Variants in TAF13 observed in about 807,000 individuals in gnomAD.
The protein encoded by TAF13 is TATA-box binding protein associated factor 13.
A neutral mutation model predicts 18.7 loss-of-function variants in TAF13; 9 were observed. That is an observed-to-expected ratio of 0.48 (90% CI 0.29 to 0.84). The LOEUF is 0.84. Ranked by LOEUF, TAF13 falls within the 40% of genes least tolerant of loss-of-function variation. TAF13 has a pLI of 0.08. For missense variants in TAF13, 105 were observed against 146.5 expected, an observed-to-expected ratio of 0.72 and a Z score of 1.46; for synonymous variants, 49 against 44.1, an observed-to-expected ratio of 1.11 and a Z score of -0.44.
At chr1:109,065,867 G>C (rs1436086782) in intron 3 of TAF13, among the ~76,000 whole-genome samples, 1 of 150,260 alleles carries the variant, frequency 6.7e-6, no homozygotes, top group East Asian at 1.9e-4. Context: ...GTTGCAGTGA[G>C]CCAAGATCGT....
chr1:109,069,473 C>T (rs901395910), intron 2 of TAF13, among the ~76,000 whole-genome samples: 3 of 152,050 alleles, frequency 2.0e-5, no homozygotes, highest in Admixed American at 1.3e-4. Flanking sequence ...AAAGTCTATA[C>T]ATATTCAATA....
intron 2 of TAF13, among the ~76,000 whole-genome samples, chr1:109,067,556 G>A (rs1207240562): frequency 1.3e-5 from 2 of 152,178 alleles, no homozygotes; most frequent in East Asian, 1.9e-4. Flanking sequence ...GTTGCAGTGA[G>A]CTGAGAATGC....
At chr1:109,072,921 C>T (rs1158594184) in intron 2 of TAF13, among the ~76,000 whole-genome samples, 5 of 150,884 alleles carry the variant, frequency 3.3e-5, no homozygotes, top group Admixed American at 2.0e-4. Context: ...TTAGTAGAGA[C>T]GGGGTTTCAT....
chr1:109,075,953 T>C lies in TAF13; in HGVS notation c.-6A>G. ...TCTTCTTCCTCATCTGCCATCCCAC[T>C]AGCACGCCAACTCACAGCGTCCTGC... On this transcript the variant is annotated 5_prime_UTR_variant, in exon 1 of 4. Transcript: ENST00000338366. 1 of 1,614,180 alleles carries C rather than the reference T, an allele frequency of 6.2e-7. No homozygotes were observed. Among genetic ancestry groups the C allele is most frequent in the South Asian group, 1.1e-5 (1 of 91,082 alleles).
chr1:109,066,293 A>ATTTTTTT, intron 2 of TAF13, 61 bp from the exon 3 acceptor site: 1 of 1,361,858 alleles, frequency 7.3e-7, no homozygotes, highest in Non-Finnish European at 1.0e-6. Flanking sequence ...TTGATACTTT[A>ATTTTTTT]AAAAAATAAA....
chr1:109,072,190 A>T (rs1227955572), intron 2 of TAF13, among the ~76,000 whole-genome samples: 1 of 148,152 alleles, frequency 6.7e-6, no homozygotes. Context: ...GCTCACATAT[A>T]ACCCAGCCTA....
intron 3 of TAF13, among the ~76,000 whole-genome samples, chr1:109,065,540 G>C (rs1402404112): frequency 6.8e-6 from 1 of 146,510 alleles, no homozygotes; most frequent in African/African-American, 2.5e-5. Flanking sequence ...TACTGGAAAA[G>C]GAGGGGAAAA....
chr1:109,073,542 T>C (rs1192276500), intron 2 of TAF13, among the ~76,000 whole-genome samples: 2 of 152,152 alleles, frequency 1.3e-5, no homozygotes, highest in African/African-American at 2.4e-5. Context: ...GGTTTTTGTA[T>C]TTTTTGGTGG....
chr1:109,067,993 T>C (rs1013302082), intron 2 of TAF13, among the ~76,000 whole-genome samples: 5 of 152,174 alleles, frequency 3.3e-5, no homozygotes, highest in African/African-American at 1.2e-4. Context: ...TGTGAATTCT[T>C]TTTTTTGCTC....
At chr1:109,066,340 A>G in intron 2 of TAF13, 108 bp from the exon 3 acceptor site, 1 of 821,154 alleles carries the variant, frequency 1.2e-6, no homozygotes, top group Non-Finnish European at 1.9e-6. Context: ...TATTGGTATG[A>G]AAACATATTT....
At chr1:109,068,207 C>T (rs1663985120) in intron 2 of TAF13, among the ~76,000 whole-genome samples, 1 of 152,200 alleles carries the variant, frequency 6.6e-6, no homozygotes, top group South Asian at 2.1e-4. Context: ...ACGATCTCAA[C>T]TCACTGCAAC....
chr1:109,071,857 C>G (rs1404923719), intron 2 of TAF13, among the ~76,000 whole-genome samples: 4 of 150,792 alleles, frequency 2.7e-5, no homozygotes, highest in Non-Finnish European at 5.9e-5. Flanking sequence ...GAGGCTGAAG[C>G]AGGAGAGTCG....
At chr1:109,074,437 T>G (rs1028816126) in intron 2 of TAF13, among the ~76,000 whole-genome samples, 1 of 152,126 alleles carries the variant, frequency 6.6e-6, no homozygotes. Flanking sequence ...CACAAAACAC[T>G]GAGGAAGGCC....
intron 1 of TAF13, 94 bp from the exon 2 acceptor site, chr1:109,075,159 GC>G: frequency 9.5e-7 from 1 of 1,052,802 alleles, no homozygotes; most frequent in Non-Finnish European, 1.4e-6. Context: ...CAACAGATAG[GC>G]CAGAAAGCCA....
intron 2 of TAF13, among the ~76,000 whole-genome samples, chr1:109,071,999 T>C (rs866395443): frequency 0.027 from 69 of 2,524 alleles, no homozygotes; most frequent in South Asian, 0.1. Context: ...TATATATATA[T>C]ATATATATAT....
intron 3 of TAF13, among the ~76,000 whole-genome samples, chr1:109,065,921 C>CA (rs35972596): frequency 0.058 from 4,964 of 86,196 alleles, 246 homozygotes; most frequent in African/African-American, 0.17. Context: ...AACTCCATCT[C>CA]AAAAAAAAAA....
chr1:109,067,799 T>C (rs1240212119), intron 2 of TAF13, among the ~76,000 whole-genome samples: 2 of 152,306 alleles, frequency 1.3e-5, no homozygotes, highest in South Asian at 2.1e-4. Context: ...GTAGAAACTA[T>C]TGATTATCCC....
rs1403417782 is a variant in TAF13, at chr1:109,072,146, A to G, written c.106+2841T>C. Among the ~76,000 whole-genome samples, 283 of 128,924 alleles carry G rather than the reference A, an allele frequency of 2.2e-3. 8 individuals carry two copies. The highest frequency in any genetic ancestry group is 7.8e-3 in the African/African-American group (271 of 34,878). The allele number at this position is 128,924 out of a possible 152,430, so 84.6% of individuals were successfully genotyped here. On this transcript the variant is annotated intron_variant, in intron 2 of 3. Coordinates refer to ENST00000338366, the MANE Select transcript of TAF13 (RefSeq NM_005645.4). ...CATATATATATATATATATATATAT[A>G]CTGACCCTGTAGTTTCAAGGGCATT...
chr1:109,066,998 CG>C (rs1663961831), intron 2 of TAF13, among the ~76,000 whole-genome samples: 1 of 151,968 alleles, frequency 6.6e-6, no homozygotes, highest in African/African-American at 2.4e-5. Context: ...GGATTACAGG[CG>C]TGAGCCACCG....
Sources: gnomAD v4.1 joint callset for allele counts (sites outside exome capture counted in the v4.1 genomes callset) on GRCh38, gnomAD v4.1.1 for gene constraint, MANE v1.5 for transcripts, NCBI Gene and HGNC (gene_info 2026-07-23, HGNC 2026-07-21) for gene names.